Variants in MCPH1 observed in about 807,000 individuals in gnomAD.
MCPH1 encodes the protein microcephalin.
In MCPH1, 104 loss-of-function variants were observed where a neutral mutation model predicts 84.5. The ratio of observed to expected loss-of-function variants is 1.23; its 90% CI spans 1.05 to 1.45. MCPH1 has a LOEUF of 1.45. Ranked by LOEUF, MCPH1 falls within the 40% of genes most tolerant of loss-of-function variation. The pLI, the probability that MCPH1 is intolerant of heterozygous loss-of-function variation, is 0.00. For synonymous variants in MCPH1, 514 were observed against 366.8 expected (o/e 1.40, Z -4.58); for missense variants, 1,498 against 1,005.7 (o/e 1.49, Z -6.62).
At chr8:6,447,568 G>A in intron 8 of MCPH1, 1 of 398,162 alleles carries the variant, frequency 2.5e-6, no homozygotes, top group Non-Finnish European at 3.4e-6. Flanking sequence ...AGTTTTTTTT[G>A]AGACATAGTC....
At position 6,445,234 on chromosome 8, in the gene MCPH1, A is replaced by G. The variant is rs1585813660; in HGVS notation, c.1512A>G (p.Glu504=). The change falls in exon 8 of 14, where the codon GAA becomes GAG. Residue 504 remains glutamate (E), a synonymous_variant. Transcript: ENST00000344683. ...CGAGTTGCGTGACTTCTGCCCCTGAAGAAGCCCTAAGGTGTTGTAGACAGG... is the reference window on the plus strand; with the variant it reads ...CGAGTTGCGTGACTTCTGCCCCTGAGGAAGCCCTAAGGTGTTGTAGACAGG... ...ATSSCVTSAP[E]EALRCCRQAG... is the part of the protein sequence containing the mutation. 3 of 1,614,154 alleles carry G rather than the reference A, an allele frequency of 1.9e-6. No individual in the cohort carries two copies. The highest frequency in any genetic ancestry group is 2.5e-6 in the Non-Finnish European group (3 of 1,180,060).
intron 11 of MCPH1, among the ~76,000 whole-genome samples, chr8:6,487,239 T>A (rs1810045638): frequency 6.6e-6 from 1 of 152,252 alleles, no homozygotes; most frequent in Non-Finnish European, 1.5e-5. Context: ...AGTGTTTTCT[T>A]AATCAAAAAT....
At chr8:6,601,052 G>C (rs1389416667) in intron 12 of MCPH1, among the ~76,000 whole-genome samples, 1 of 152,170 alleles carries the variant, frequency 6.6e-6, no homozygotes, top group South Asian at 2.1e-4. Context: ...CTCCCTGTGG[G>C]CTGGGGGCTG....
chr8:6,633,738 C>T (rs540494502), intron 13 of MCPH1, among the ~76,000 whole-genome samples: 12 of 152,294 alleles, frequency 7.9e-5, no homozygotes, highest in Admixed American at 2.6e-4. Context: ...ACGCACCCAA[C>T]GCAGATTCCC....
At chr8:6,617,166 G>C (rs1784779817) in intron 12 of MCPH1, 1 of 148,482 alleles carries the variant, frequency 6.7e-6, no homozygotes, top group Non-Finnish European at 1.5e-5. Context: ...TCTTCGGATT[G>C]TCCTTTGAAC....
intron 12 of MCPH1, among the ~76,000 whole-genome samples, chr8:6,552,832 C>A (rs1455175135): frequency 6.8e-6 from 1 of 147,770 alleles, no homozygotes; most frequent in African/African-American, 2.5e-5. Context: ...TTTTTTAACT[C>A]ACTCATTAAG....
In MCPH1 at chr8:6,615,262, G is replaced by T. The variant is rs117677016; in HGVS notation, c.2215-6192G>T. 3.2e-3 allele frequency among the ~76,000 whole-genome samples: 494 copies of T among 152,228 alleles called. 1 individual carries two copies. Among genetic ancestry groups the T allele is most frequent in the African/African-American group, 0.011 (462 of 41,542 alleles). Reference sequence around the variant, plus strand: ...ACTCCATGTCACATGCCACCATCAGGAAGTCCTCCCTCAATGCCCCAAGCC... The same window carrying T: ...ACTCCATGTCACATGCCACCATCAGTAAGTCCTCCCTCAATGCCCCAAGCC... On this transcript the variant is annotated intron_variant, in intron 12 of 13. Coordinates refer to ENST00000344683, the MANE Select transcript of MCPH1 (RefSeq NM_024596.5).
intron 9 of MCPH1, among the ~76,000 whole-genome samples, chr8:6,472,487 A>T (rs1477604337): frequency 6.6e-6 from 1 of 151,982 alleles, no homozygotes; most frequent in South Asian, 2.1e-4. Flanking sequence ...TTTTTTTGAG[A>T]TGGAGACTCA....
intron 12 of MCPH1, among the ~76,000 whole-genome samples, chr8:6,521,687 G>T (rs779317612): frequency 8.5e-5 from 13 of 152,172 alleles, no homozygotes; most frequent in Non-Finnish European, 1.6e-4. Flanking sequence ...GGATAGGTGG[G>T]ATATGGGTGT....
intron 12 of MCPH1, among the ~76,000 whole-genome samples, chr8:6,551,183 G>C (rs1823589504): frequency 6.6e-6 from 1 of 152,160 alleles, no homozygotes; most frequent in Admixed American, 6.5e-5. Context: ...ATTTGAGCTG[G>C]ATAGAGAAAG....
At chr8:6,443,998 T>C (rs75666535) in intron 7 of MCPH1, among the ~76,000 whole-genome samples, 10,315 of 152,254 alleles carry the variant, frequency 0.068, 868 homozygotes, top group African/African-American at 0.2. Flanking sequence ...TGAGGGAATG[T>C]TTCATGCAAG....
rs140212194 is a variant in MCPH1, at chr8:6,456,565, C to CT, written c.1935+1316dup. 1.2e-3 allele frequency among the ~76,000 whole-genome samples: 190 copies of CT among 152,242 alleles called. 5 individuals carry two copies. In the East Asian group the frequency reaches 0.033, roughly 26 times the overall value. On this transcript the variant is annotated intron_variant, in intron 9 of 13. Coordinates refer to ENST00000344683, the MANE Select transcript of MCPH1 (RefSeq NM_024596.5). Reference sequence around the variant, plus strand: ...CACAGCTCTGTTCTGTGCCCTCCCGCTTTACTGACCCTTTACCCTCTGCCA... The same window carrying CT: ...CACAGCTCTGTTCTGTGCCCTCCCGCTTTTACTGACCCTTTACCCTCTGCCA...
chr8:6,419,128 T>TACACACAC (rs59016342), intron 3 of MCPH1, among the ~76,000 whole-genome samples: 4 of 144,518 alleles, frequency 2.8e-5, no homozygotes, highest in African/African-American at 1.1e-4. Flanking sequence ...TATATACACA[T>TACACACAC]ACACACACAC....
intron 13 of MCPH1, chr8:6,635,064 G>A (rs1488733146): frequency 6.6e-6 from 1 of 152,298 alleles, no homozygotes; most frequent in South Asian, 2.1e-4. Flanking sequence ...TGATGAACCA[G>A]GTGGTGGTTT....
intron 12 of MCPH1, among the ~76,000 whole-genome samples, chr8:6,511,228 T>C (rs557917497): frequency 9.3e-4 from 141 of 152,318 alleles, no homozygotes; most frequent in Admixed American, 2.7e-3. Context: ...AGTGCTTTCT[T>C]TAAAATTTGG....
chr8:6,625,650 A>G (rs1586856927), intron 13 of MCPH1: 1 of 985,256 alleles, frequency 1.0e-6, no homozygotes, highest in East Asian at 1.1e-4. Context: ...GAGTAATTTG[A>G]GCCGGGCGTG....
At chr8:6,571,653 A>G (rs909316312) in intron 12 of MCPH1, among the ~76,000 whole-genome samples, 2 of 152,134 alleles carry the variant, frequency 1.3e-5, no homozygotes, top group African/African-American at 4.8e-5. Flanking sequence ...TTACATTAAG[A>G]TATATTATCT....
At position 6,436,098 on chromosome 8, in the gene MCPH1, T is replaced by C. The variant is rs1167560300; in HGVS notation, c.372T>C (p.Asp124=). ...TTAATTTTAAAACACCAGAAAATGA[T>C]AAGAGATTTCAGAAGAAATTTGAGA... is the stretch of plus-strand genomic sequence containing the variant. ...KDFNFKTPEN[D]KRFQKKFEKM... Residue 124 remains aspartate (D), a synonymous_variant, in exon 5 of 14, where the codon GAT becomes GAC. Transcript: ENST00000344683. The C allele has an allele frequency of 1.2e-6, 2 of 1,613,754 alleles. No individual in the cohort carries two copies. The highest frequency in any genetic ancestry group is 1.7e-6 in the Non-Finnish European group (2 of 1,179,786).
intron 11 of MCPH1, among the ~76,000 whole-genome samples, chr8:6,483,721 A>G (rs1345211656): frequency 6.6e-6 from 1 of 152,154 alleles, no homozygotes; most frequent in African/African-American, 2.4e-5. Flanking sequence ...CTAGCTCGGC[A>G]TGGTGGCACC....
Sources: gnomAD v4.1 joint callset for allele counts (sites outside exome capture counted in the v4.1 genomes callset) on GRCh38, gnomAD v4.1.1 for gene constraint, MANE v1.5 for transcripts, NCBI Gene and HGNC (gene_info 2026-07-23, HGNC 2026-07-21) for gene names.